NRG3: variants seen among roughly 807,000 people sequenced by gnomAD.
NRG3 encodes the protein pro-neuregulin-3, membrane-bound isoform.
In NRG3, 31 loss-of-function variants were observed where a neutral mutation model predicts 66.9. The observed-to-expected ratio is 0.46, with a 90% CI of 0.35 to 0.63. The LOEUF (loss-of-function observed/expected upper bound fraction) is 0.63, where lower values mean the gene tolerates loss of function less well. NRG3 is among the 20% of genes least tolerant of loss of function. The pLI is 0.00. For synonymous variants in NRG3, 393 were observed against 359.4 expected, an observed-to-expected ratio of 1.09 and a Z score of -1.06; for missense variants, 910 against 878.9, an observed-to-expected ratio of 1.04 and a Z score of -0.45.
At chr10:82,462,035 G>A (rs1021585129) in intron 2 of NRG3, among the ~76,000 whole-genome samples, 2 of 152,130 alleles carry the variant, frequency 1.3e-5, no homozygotes, top group East Asian at 1.9e-4. Context: ...GGAGGCTGAG[G>A]CAGGACAATC....
At chr10:82,055,109 AAAG>A (rs1386263829) in intron 1 of NRG3, among the ~76,000 whole-genome samples, 2 of 151,968 alleles carry the variant, frequency 1.3e-5, no homozygotes, top group African/African-American at 4.8e-5. Flanking sequence ...AGGAAGGAAA[AAAG>A]AGCCACAGTC....
chr10:82,423,859 C>T (rs1399344151), intron 2 of NRG3, among the ~76,000 whole-genome samples: 2 of 151,982 alleles, frequency 1.3e-5, no homozygotes, highest in African/African-American at 4.8e-5. Context: ...ATGTATTTGT[C>T]TAGTATGGAC....
intron 2 of NRG3, among the ~76,000 whole-genome samples, chr10:82,372,870 G>A (rs1281714111): frequency 3.9e-5 from 6 of 152,158 alleles, no homozygotes; most frequent in South Asian, 2.1e-4. Flanking sequence ...CTGGGATTAC[G>A]GGCATGCGCC....
chr10:82,647,148 T>G (rs2051004164), intron 2 of NRG3, among the ~76,000 whole-genome samples: 1 of 151,996 alleles, frequency 6.6e-6, no homozygotes, highest in Admixed American at 6.6e-5. Flanking sequence ...ATGCTATCCC[T>G]CCCCACTCCC....
intron 1 of NRG3, among the ~76,000 whole-genome samples, chr10:82,210,221 A>G (rs2075330651): frequency 1.3e-5 from 2 of 152,296 alleles, no homozygotes; most frequent in African/African-American, 4.8e-5. Flanking sequence ...ACCTTTATGT[A>G]GACATTTGAG....
chr10:81,880,738 A>G (rs945814404), intron 1 of NRG3, among the ~76,000 whole-genome samples: 1 of 152,252 alleles, frequency 6.6e-6, no homozygotes, highest in African/African-American at 2.4e-5. Context: ...AGTATATAAG[A>G]GCAAGGGAAT....
chr10:82,633,622 A>G (rs1410029476), intron 2 of NRG3, among the ~76,000 whole-genome samples: 1 of 152,164 alleles, frequency 6.6e-6, no homozygotes, highest in African/African-American at 2.4e-5. Flanking sequence ...AAGATGTCCA[A>G]GCATCAGGAG....
intron 4 of NRG3, among the ~76,000 whole-genome samples, chr10:82,922,483 G>T (rs1396392678): frequency 6.6e-6 from 1 of 152,122 alleles, no homozygotes; most frequent in Admixed American, 6.6e-5. Flanking sequence ...TTGTGAACTG[G>T]TTTGTTTCAC....
chr10:82,016,157 A>G (rs2061777922), intron 1 of NRG3, among the ~76,000 whole-genome samples: 1 of 151,948 alleles, frequency 6.6e-6, no homozygotes, highest in South Asian at 2.1e-4. Context: ...GAACTGAGGA[A>G]GCTTAGGGAC....
intron 1 of NRG3, among the ~76,000 whole-genome samples, chr10:81,952,253 G>A (rs926254977): frequency 6.6e-6 from 1 of 152,074 alleles, no homozygotes; most frequent in African/African-American, 2.4e-5. Flanking sequence ...ATAATAAAGA[G>A]TCATGCCACT....
intron 1 of NRG3, among the ~76,000 whole-genome samples, chr10:82,255,992 C>T (rs1282215741): frequency 6.6e-6 from 1 of 151,964 alleles, no homozygotes; most frequent in African/African-American, 2.4e-5. Context: ...GGTGCAATCT[C>T]GTCTCACTGC....
intron 3 of NRG3, among the ~76,000 whole-genome samples, chr10:82,760,955 G>A (rs938732348): frequency 8.6e-5 from 13 of 151,418 alleles, no homozygotes; most frequent in Admixed American, 6.6e-4. Flanking sequence ...GTTATATAAC[G>A]TAGACTCTCA....
intron 2 of NRG3, among the ~76,000 whole-genome samples, chr10:82,550,230 T>G (rs2044214096): frequency 6.6e-6 from 1 of 152,154 alleles, no homozygotes; most frequent in Non-Finnish European, 1.5e-5. Flanking sequence ...TAATAAATAT[T>G]TAACATTTAA....
At chr10:82,326,454 A>AT (rs200354080) in intron 1 of NRG3, among the ~76,000 whole-genome samples, 3,173 of 151,734 alleles carry the variant, frequency 0.021, 107 homozygotes, top group African/African-American at 0.069. Context: ...AATTTTCATG[A>AT]TTTTTTTTAA....
intron 1 of NRG3, among the ~76,000 whole-genome samples, chr10:82,136,029 G>GT (rs147543518): frequency 0.011 from 1,732 of 152,240 alleles, 30 homozygotes; most frequent in African/African-American, 0.039. Flanking sequence ...TGTGATCTAA[G>GT]TTTTTTTGTC....
rs1462368293 is a variant in NRG3 at position 82,722,372 on chromosome 10, G to A, written c.954-16205G>A. Among the ~76,000 whole-genome samples, 10 of 152,214 alleles carry A rather than the reference G, an allele frequency of 6.6e-5. No homozygotes were observed. In the East Asian group the frequency reaches 7.7e-4, roughly 12 times the overall value. ...TCTAAGATACGCTATAATATTGAGC[G>A]ATTCTTGGTATTGAAAATCAAAGGA... On this transcript the variant is annotated intron_variant, in intron 2 of 8. Coordinates refer to ENST00000372141, the MANE Select transcript of NRG3 (RefSeq NM_001010848.4).
chr10:82,458,677 A>G (rs1484835453), intron 2 of NRG3, among the ~76,000 whole-genome samples: 4 of 152,204 alleles, frequency 2.6e-5, no homozygotes, highest in Non-Finnish European at 5.9e-5. Context: ...ACCTGGGTTT[A>G]AGTCCCTACT....
intron 2 of NRG3, among the ~76,000 whole-genome samples, chr10:82,651,619 T>C (rs2051421110): frequency 6.6e-6 from 1 of 152,184 alleles, no homozygotes. Context: ...GAGTGTGCCA[T>C]TGTGGAAGCA....
intron 7 of NRG3, among the ~76,000 whole-genome samples, chr10:82,975,641 T>C (rs1852181707): frequency 6.6e-6 from 1 of 152,232 alleles, no homozygotes; most frequent in Non-Finnish European, 1.5e-5. Flanking sequence ...TAATATATCA[T>C]AGCTTTTGTT....
Sources: gnomAD v4.1 joint callset for allele counts (sites outside exome capture counted in the v4.1 genomes callset) on GRCh38, gnomAD v4.1.1 for gene constraint, MANE v1.5 for transcripts, NCBI Gene and HGNC (gene_info 2026-07-23, HGNC 2026-07-21) for gene names.